The following TMEM132D variants were observed in gnomAD, a reference collection of about 807,000 sequenced individuals.
TMEM132D encodes the protein transmembrane protein 132D.
A neutral mutation model predicts 62.3 loss-of-function variants in TMEM132D; 21 were observed. That is an observed-to-expected ratio of 0.34 (90% CI 0.24 to 0.49). TMEM132D has a LOEUF of 0.49. Ranked by LOEUF, TMEM132D falls within the 20% of genes least tolerant of loss-of-function variation. The probability of loss-of-function intolerance (pLI) is 0.99; values close to 1 mark genes in which losing one functional copy is unlikely to be tolerated. For missense variants in TMEM132D, 1,346 were observed against 1,402.8 expected (o/e 0.96, Z 0.65); for synonymous variants, 621 against 575.6 (o/e 1.08, Z -1.13).
chr12:129,349,504 T>C (rs1265815487), intron 3 of TMEM132D, among the ~76,000 whole-genome samples: 1 of 152,048 alleles, frequency 6.6e-6, no homozygotes, highest in Non-Finnish European at 1.5e-5. Flanking sequence ...GGGAAGAGAG[T>C]CCTTGTTTCA....
At chr12:129,674,626 G>A (rs976688900) in intron 2 of TMEM132D, among the ~76,000 whole-genome samples, 8 of 152,014 alleles carry the variant, frequency 5.3e-5, no homozygotes, top group Admixed American at 2.0e-4. Flanking sequence ...TGCAACCTCC[G>A]CCTCCCAGGT....
intron 5 of TMEM132D, chr12:129,110,180 C>A (rs1875643104): frequency 1.3e-5 from 2 of 152,408 alleles, no homozygotes; most frequent in African/African-American, 4.8e-5. Context: ...CCTTCTCCAT[C>A]TTTTCTTTAT....
At chr12:129,155,582 T>C (rs189806691) in intron 5 of TMEM132D, among the ~76,000 whole-genome samples, 2 of 152,218 alleles carry the variant, frequency 1.3e-5, no homozygotes, top group Non-Finnish European at 2.9e-5. Flanking sequence ...TCACAGTTCT[T>C]GAGGCTGGGA....
chr12:129,641,852 C>T (rs886228067), intron 2 of TMEM132D, among the ~76,000 whole-genome samples: 11 of 152,108 alleles, frequency 7.2e-5, no homozygotes, highest in Admixed American at 5.2e-4. Context: ...CCTGCAGCAG[C>T]GCATCTGAAG....
chr12:129,887,566 T>A (rs1422896286), intron 1 of TMEM132D, among the ~76,000 whole-genome samples: 3 of 152,208 alleles, frequency 2.0e-5, no homozygotes, highest in Non-Finnish European at 4.4e-5. Flanking sequence ...GTTCCTACCC[T>A]TTTGATTCAC....
rs1385967034 is a variant in TMEM132D at position 129,523,125 on chromosome 12, C to T, written c.1115+7934G>A. Among the ~76,000 whole-genome samples, 8 of 152,134 alleles carry T rather than the reference C, an allele frequency of 5.3e-5. No individual in the cohort carries two copies. The East Asian group carries it at 5.8e-4, about 11-fold the overall frequency. On this transcript the variant is annotated intron_variant, in intron 3 of 8. Transcript: ENST00000422113. ...ACACACGCACGTGCACACACACACA[C>T]ACAGACACACACACTTATTGAAGCT...
At position 129,165,009 on chromosome 12, in the gene TMEM132D, T is replaced by C. The variant is rs78921348; in HGVS notation, c.1443+44511A>G. Among the ~76,000 whole-genome samples, 41 of 152,340 alleles carry C rather than the reference T, an allele frequency of 2.7e-4. No homozygotes were observed. In the East Asian group the frequency reaches 7.7e-3, roughly 29 times the overall value. On this transcript the variant is annotated intron_variant, in intron 5 of 8. Coordinates refer to ENST00000422113, the MANE Select transcript of TMEM132D (RefSeq NM_133448.3). ...CCCCTGAGGAAAATAGATAATGGTA[T>C]ATTCATACATGGGAAAATTACTCTG...
At chr12:129,810,508 C>T (rs1230375654) in intron 1 of TMEM132D, among the ~76,000 whole-genome samples, 1 of 151,648 alleles carries the variant, frequency 6.6e-6, no homozygotes, top group African/African-American at 2.4e-5. Flanking sequence ...CCCTGGTGGT[C>T]CTGCATATAA....
chr12:129,263,268 C>A (rs572448933), intron 4 of TMEM132D, among the ~76,000 whole-genome samples: 42 of 152,268 alleles, frequency 2.8e-4, no homozygotes, highest in South Asian at 1.7e-3. Flanking sequence ...CTTTACTATA[C>A]TCTGTTCAAA....
At chr12:129,435,164 G>A (rs1872756360) in intron 3 of TMEM132D, among the ~76,000 whole-genome samples, 1 of 152,084 alleles carries the variant, frequency 6.6e-6, no homozygotes, top group Non-Finnish European at 1.5e-5. Context: ...TTTTAATGGT[G>A]GACTAGCATT....
intron 3 of TMEM132D, among the ~76,000 whole-genome samples, chr12:129,527,923 G>A (rs963369841): frequency 6.6e-6 from 1 of 152,112 alleles, no homozygotes; most frequent in Non-Finnish European, 1.5e-5. Flanking sequence ...GCTCACTCCT[G>A]GTGAGTTCAT....
chr12:129,902,097 CCT>C (rs1875377961), intron 1 of TMEM132D, among the ~76,000 whole-genome samples: 1 of 152,186 alleles, frequency 6.6e-6, no homozygotes, highest in Non-Finnish European at 1.5e-5. Flanking sequence ...AACGTAAATT[CCT>C]CTTTCTAAAT....
intron 1 of TMEM132D, among the ~76,000 whole-genome samples, chr12:129,731,259 G>A (rs558114366): frequency 3.9e-5 from 6 of 152,136 alleles, no homozygotes; most frequent in Admixed American, 2.6e-4. Flanking sequence ...GCCAGACTCA[G>A]CAATGACCCA....
intron 3 of TMEM132D, among the ~76,000 whole-genome samples, chr12:129,440,279 A>T (rs1872903131): frequency 6.6e-6 from 1 of 152,202 alleles, no homozygotes. Flanking sequence ...AAAAGGGGCA[A>T]GGTGGGTATT....
intron 2 of TMEM132D, among the ~76,000 whole-genome samples, chr12:129,633,199 C>G (rs1178770108): frequency 7.2e-5 from 11 of 152,174 alleles, no homozygotes; most frequent in Non-Finnish European, 8.8e-5. Flanking sequence ...GTTGGCTTTC[C>G]TCTGTATTTT....
At chr12:129,123,330 TTGA>T (rs1458443420) in intron 5 of TMEM132D, among the ~76,000 whole-genome samples, 6 of 152,198 alleles carry the variant, frequency 3.9e-5, no homozygotes, top group African/African-American at 1.4e-4. Flanking sequence ...TAATTAGTTG[TTGA>T]TTTTTTTTTC....
At chr12:129,359,204 T>A (rs1593350421) in intron 3 of TMEM132D, among the ~76,000 whole-genome samples, 2 of 152,248 alleles carry the variant, frequency 1.3e-5, no homozygotes, top group East Asian at 3.9e-4. Context: ...TCCACTAATA[T>A]GAAACATCAA....
chr12:129,182,296 A>G (rs11060182), intron 5 of TMEM132D, among the ~76,000 whole-genome samples: 65,488 of 151,782 alleles, frequency 0.43, 14,418 homozygotes, highest in East Asian at 0.57. Flanking sequence ...CCTGGGAGGC[A>G]GTGGTTGCAG....
At chr12:129,114,460 CTCT>C in intron 5 of TMEM132D, among the ~76,000 whole-genome samples, 1 of 151,366 alleles carries the variant, frequency 6.6e-6, no homozygotes, top group East Asian at 2.0e-4. Flanking sequence ...CTTTTCTCAT[CTCT>C]TCTCTTCTCC....
Sources: allele counts gnomAD v4.1 joint callset (sites outside exome capture counted in the v4.1 genomes callset), GRCh38; gene constraint gnomAD v4.1.1; transcripts MANE v1.5; gene names NCBI Gene and HGNC (gene_info 2026-07-23, HGNC 2026-07-21).